Variants in SLC10A7 observed in about 807,000 individuals in gnomAD.
SLC10A7 encodes the protein solute carrier family 10 member 7, also known as sodium/bile acid cotransporter 7.
A neutral mutation model predicts 43.2 loss-of-function variants in SLC10A7; 29 were observed. The ratio of observed to expected loss-of-function variants is 0.67; its 90% confidence interval spans 0.50 to 0.92. The LOEUF (loss-of-function observed/expected upper bound fraction) is 0.92. SLC10A7 is among the 40% of genes least tolerant of loss of function. The pLI, the probability that SLC10A7 is intolerant of heterozygous loss-of-function variation, is 0.00. For synonymous variants in SLC10A7, 152 were observed against 144.8 expected (o/e 1.05, Z -0.35); for missense variants, 295 against 403.2 (o/e 0.73, Z 2.30).
chr4:146,339,383 A>C (rs1394627399), intron 5 of SLC10A7, among the ~76,000 whole-genome samples: 1 of 151,958 alleles, frequency 6.6e-6, no homozygotes, highest in Non-Finnish European at 1.5e-5. Context: ...TCTGCACTAC[A>C]CTTGCCTTGT....
intron 5 of SLC10A7, among the ~76,000 whole-genome samples, chr4:146,402,838 C>G (rs1049827111): frequency 1.3e-5 from 2 of 152,080 alleles, no homozygotes; most frequent in African/African-American, 4.8e-5. Context: ...AGAAAGTTGT[C>G]TTTTCTCTCT....
intron 10 of SLC10A7, among the ~76,000 whole-genome samples, chr4:146,271,248 C>T (rs1306787708): frequency 2.6e-5 from 4 of 152,150 alleles, no homozygotes; most frequent in Non-Finnish European, 5.9e-5. Context: ...TGTGCAAATC[C>T]AAACTCTTGA....
chr4:146,423,876 T>G (rs1295100108), intron 5 of SLC10A7, among the ~76,000 whole-genome samples: 1 of 152,184 alleles, frequency 6.6e-6, no homozygotes, highest in Non-Finnish European at 1.5e-5. Flanking sequence ...CTGCCAAAAT[T>G]TATTTTGAAG....
At chr4:146,510,542 A>G (rs1389065475) in intron 2 of SLC10A7, among the ~76,000 whole-genome samples, 1 of 152,146 alleles carries the variant, frequency 6.6e-6, no homozygotes, top group East Asian at 1.9e-4. Flanking sequence ...TACAGGCATG[A>G]GCCACCACGC....
At chr4:146,332,142 A>C (rs1466229922) in intron 5 of SLC10A7, among the ~76,000 whole-genome samples, 2 of 152,134 alleles carry the variant, frequency 1.3e-5, no homozygotes, top group Admixed American at 6.5e-5. Flanking sequence ...CTAGACCTTC[A>C]CAGACTAAGG....
At chr4:146,502,557 T>A (rs1736520453) in intron 4 of SLC10A7, among the ~76,000 whole-genome samples, 1 of 113,716 alleles carries the variant, frequency 8.8e-6, no homozygotes, top group African/African-American at 3.5e-5. Context: ...ATATTATATA[T>A]AAACTTAAGA....
At chr4:146,370,940 C>A (rs914558417) in intron 5 of SLC10A7, among the ~76,000 whole-genome samples, 3 of 152,018 alleles carry the variant, frequency 2.0e-5, no homozygotes, top group Non-Finnish European at 4.4e-5. Context: ...TAAAGTTAAC[C>A]CCATTTGCAA....
chr4:146,258,961 G>T, intron 10 of SLC10A7, 124 bp from the exon 11 acceptor site: 1 of 1,079,076 alleles, frequency 9.3e-7, no homozygotes, highest in Non-Finnish European at 1.3e-6. Context: ...TTTATTCACA[G>T]AACTGAAATG....
chr4:146,391,123 A>G (rs927585729), intron 5 of SLC10A7, among the ~76,000 whole-genome samples: 1 of 152,240 alleles, frequency 6.6e-6, no homozygotes, highest in Non-Finnish European at 1.5e-5. Context: ...GACTTATTAA[A>G]AAAACTGCTT....
chr4:146,511,277 A>G (rs943234086), intron 2 of SLC10A7, among the ~76,000 whole-genome samples: 2 of 152,236 alleles, frequency 1.3e-5, no homozygotes, highest in African/African-American at 4.8e-5. Flanking sequence ...AAATACTTGC[A>G]TTTGAGTTTA....
intron 4 of SLC10A7, among the ~76,000 whole-genome samples, chr4:146,482,609 A>G (rs1378578995): frequency 6.6e-6 from 1 of 151,248 alleles, no homozygotes; most frequent in East Asian, 1.9e-4. Context: ...AAGAGTGAAG[A>G]AAGCCTATGG....
intron 4 of SLC10A7, among the ~76,000 whole-genome samples, chr4:146,481,339 G>A (rs1734456598): frequency 6.6e-6 from 1 of 152,182 alleles, no homozygotes; most frequent in Non-Finnish European, 1.5e-5. Flanking sequence ...AGAGAGTAAA[G>A]TCATTGCTGC....
At chr4:146,348,528 A>C (rs1409229143) in intron 5 of SLC10A7, among the ~76,000 whole-genome samples, 1 of 152,166 alleles carries the variant, frequency 6.6e-6, no homozygotes, top group Non-Finnish European at 1.5e-5. Flanking sequence ...AATTTGAAAA[A>C]ATGATTTGCT....
At chr4:146,346,908 A>T (rs1328376998) in intron 5 of SLC10A7, among the ~76,000 whole-genome samples, 1 of 152,124 alleles carries the variant, frequency 6.6e-6, no homozygotes, top group East Asian at 1.9e-4. Context: ...TGATAGGCAT[A>T]CCCAAGAGGA....
At chr4:146,322,721 C>T (rs1263442871) in intron 6 of SLC10A7, among the ~76,000 whole-genome samples, 4 of 152,058 alleles carry the variant, frequency 2.6e-5, no homozygotes, top group Non-Finnish European at 5.9e-5. Flanking sequence ...ATTTATAATC[C>T]TTTGGGTATA....
intron 5 of SLC10A7, among the ~76,000 whole-genome samples, chr4:146,408,357 G>T (rs1226060665): frequency 6.6e-6 from 1 of 151,912 alleles, no homozygotes; most frequent in African/African-American, 2.4e-5. Context: ...AGACCACCCT[G>T]GGGGCAACAT....
intron 4 of SLC10A7, among the ~76,000 whole-genome samples, chr4:146,482,699 T>G (rs1734579858): frequency 6.6e-6 from 1 of 152,072 alleles, no homozygotes; most frequent in South Asian, 2.1e-4. Flanking sequence ...GCTAAAAACT[T>G]TCCAAGCCTT....
chr4:146,270,709 C>G (rs914567756), intron 10 of SLC10A7, among the ~76,000 whole-genome samples: 2 of 152,132 alleles, frequency 1.3e-5, no homozygotes, highest in Non-Finnish European at 2.9e-5. Flanking sequence ...CCATGGTGCA[C>G]CAGCTCTGCT....
At chr4:146,483,731 T>C (rs1314160430) in intron 4 of SLC10A7, among the ~76,000 whole-genome samples, 3 of 151,928 alleles carry the variant, frequency 2.0e-5, no homozygotes, top group African/African-American at 2.4e-5. Context: ...ACAAGAGACA[T>C]ACCTAAGCTT....
Sources: allele counts gnomAD v4.1 joint callset (sites outside exome capture counted in the v4.1 genomes callset), GRCh38; gene constraint gnomAD v4.1.1; transcripts MANE v1.5; gene names NCBI Gene and HGNC (gene_info 2026-07-23, HGNC 2026-07-21).